The following LIMCH1 variants were observed in gnomAD, a reference collection of about 807,000 sequenced individuals.
LIMCH1 encodes LIM and calponin homology domains 1.
LIMCH1 carries 113 observed loss-of-function variants against 176.5 expected under a neutral mutation model. That is an observed-to-expected ratio of 0.64 (90% CI 0.55 to 0.75). The LOEUF (loss-of-function observed/expected upper bound fraction) is 0.75. LIMCH1 is among the 30% of genes least tolerant of loss of function. LIMCH1 has a pLI of 0.00. For synonymous variants in LIMCH1, 619 were observed against 645.9 expected, an observed-to-expected ratio of 0.96 and a Z score of 0.63; for missense variants, 1,674 against 1,814.9, an observed-to-expected ratio of 0.92 and a Z score of 1.41.
chr4:41,599,949 T>C (rs1456279068), intron 2 of LIMCH1, among the ~76,000 whole-genome samples: 1 of 152,198 alleles, frequency 6.6e-6, no homozygotes, highest in African/African-American at 2.4e-5. Flanking sequence ...TTTGATTTTA[T>C]ACTATTTGCT....
intron 1 of LIMCH1, among the ~76,000 whole-genome samples, chr4:41,394,258 C>A (rs1027913297): frequency 5.3e-5 from 8 of 152,102 alleles, no homozygotes; most frequent in Admixed American, 3.9e-4. Context: ...GGAACGAACA[C>A]TTTCCATAGG....
At chr4:41,678,943 G>A (rs1371296) in intron 23 of LIMCH1, among the ~76,000 whole-genome samples, 84,561 of 151,950 alleles carry the variant, frequency 0.56, 24,658 homozygotes, top group African/African-American at 0.7. Flanking sequence ...CTTGGTTTTC[G>A]TAACAATTTT....
intron 1 of LIMCH1, among the ~76,000 whole-genome samples, chr4:41,373,942 C>G (rs1171504663): frequency 1.3e-5 from 2 of 152,314 alleles, no homozygotes; most frequent in African/African-American, 4.8e-5. Flanking sequence ...CCCCTGCTCT[C>G]TCTTCCTCCT....
intron 1 of LIMCH1, among the ~76,000 whole-genome samples, chr4:41,480,910 C>T (rs2068491792): frequency 6.6e-6 from 1 of 152,308 alleles, no homozygotes; most frequent in Non-Finnish European, 1.5e-5. Flanking sequence ...GCTAAAGCCA[C>T]TCGCATGTCT....
chr4:41,369,836 C>T (rs530652669), intron 1 of LIMCH1, among the ~76,000 whole-genome samples: 2 of 151,974 alleles, frequency 1.3e-5, no homozygotes, highest in African/African-American at 2.4e-5. Context: ...ACTGCCTGAG[C>T]GCTTTCTCAG....
At chr4:41,682,308 A>G (rs760358782) in intron 25 of LIMCH1, 25 bp from the exon 26 acceptor site, 1 of 1,587,212 alleles carries the variant, frequency 6.3e-7, no homozygotes, top group East Asian at 2.2e-5. Context: ...TTTATACTTA[A>G]GATTTTCATT....
chr4:41,507,178 C>T (rs901410969), intron 2 of LIMCH1, among the ~76,000 whole-genome samples: 3 of 152,200 alleles, frequency 2.0e-5, no homozygotes, highest in African/African-American at 7.2e-5. Context: ...ATAGGGTTTT[C>T]ATCCCTTTCT....
At position 41,587,911 on chromosome 4, in the gene LIMCH1, A is replaced by C. The variant is rs563785475; in HGVS notation, c.-240-11009A>C. 3.9e-5 allele frequency among the ~76,000 whole-genome samples: 6 copies of C among 152,292 alleles called. No homozygotes were observed. The South Asian group carries it at 1.0e-3, about 26-fold the overall frequency. The stretch of plus-strand genomic sequence containing the variant: ...TTACTTCAAAATACCGTAACATATC[A>C]AACTTTATATTCTTTTTTTTATTTT... On this transcript the variant is annotated intron_variant, in intron 1 of 31. Coordinates refer to ENST00000503057, the MANE Select transcript of LIMCH1 (RefSeq NM_001330672.2).
At chr4:41,612,870 T>TTA in intron 4 of LIMCH1, 3 of 1,284,498 alleles carry the variant, frequency 2.3e-6, no homozygotes, top group Non-Finnish European at 3.1e-6. Flanking sequence ...TTTTTTTTTT[T>TTA]AACTTTTGCC....
chr4:41,634,994 C>T (rs1358758305), intron 13 of LIMCH1, among the ~76,000 whole-genome samples: 1 of 152,200 alleles, frequency 6.6e-6, no homozygotes, highest in Non-Finnish European at 1.5e-5. Flanking sequence ...GGCCTAGAGA[C>T]TGCCTACTGG....
intron 2 of LIMCH1, among the ~76,000 whole-genome samples, chr4:41,512,942 TG>T (rs544313067): frequency 1.5e-3 from 223 of 152,288 alleles, no homozygotes; most frequent in Admixed American, 2.5e-3. Context: ...ACACACACAA[TG>T]GGATTTAAAT....
At chr4:41,614,311 A>G (rs1218148267) in intron 5 of LIMCH1, among the ~76,000 whole-genome samples, 1 of 152,208 alleles carries the variant, frequency 6.6e-6, no homozygotes, top group Non-Finnish European at 1.5e-5. Context: ...TTTCGTTACA[A>G]AAATGTGTAA....
intron 1 of LIMCH1, among the ~76,000 whole-genome samples, chr4:41,445,781 T>A (rs868840806): frequency 7.2e-5 from 11 of 152,224 alleles, no homozygotes; most frequent in Non-Finnish European, 1.3e-4. Context: ...GGGTAGCTAC[T>A]GACCTTTCTA....
intron 1 of LIMCH1, among the ~76,000 whole-genome samples, chr4:41,546,856 C>G (rs1471755240): frequency 1.3e-5 from 2 of 151,816 alleles, no homozygotes; most frequent in Non-Finnish European, 2.9e-5. Context: ...GAGAGAGAGA[C>G]AAGCGAGAGA....
At chr4:41,442,563 A>G (rs2062817728) in intron 1 of LIMCH1, among the ~76,000 whole-genome samples, 1 of 152,250 alleles carries the variant, frequency 6.6e-6, no homozygotes, top group Admixed American at 6.5e-5. Context: ...ATGATAGTTG[A>G]GAACTCATCT....
chr4:41,555,404 T>C (rs1227095866), intron 1 of LIMCH1, among the ~76,000 whole-genome samples: 2 of 152,174 alleles, frequency 1.3e-5, no homozygotes, highest in Admixed American at 1.3e-4. Context: ...CCGCCTTCCA[T>C]TGGTTCTAAG....
chr4:41,634,174 G>A (rs2093464455), intron 13 of LIMCH1, among the ~76,000 whole-genome samples: 1 of 152,168 alleles, frequency 6.6e-6, no homozygotes, highest in South Asian at 2.1e-4. Context: ...TATAAAAGTT[G>A]TAATTATATT....
intron 21 of LIMCH1, among the ~76,000 whole-genome samples, chr4:41,669,677 G>C (rs1422934462): frequency 1.3e-5 from 2 of 152,182 alleles, no homozygotes; most frequent in African/African-American, 4.8e-5. Flanking sequence ...ATAATTGCTT[G>C]ACATTTATAA....
rs1421779058 is a variant in LIMCH1 at position 41,633,542 on chromosome 4, C to T, written c.1830-6C>T. 2 of 1,535,576 alleles carry T rather than the reference C, an allele frequency of 1.3e-6. No individual in the cohort carries two copies. Among genetic ancestry groups the T allele is most frequent in the Admixed American group, 3.9e-5 (2 of 50,980 alleles). On this transcript the variant is annotated splice_polypyrimidine_tract_variant and splice_region_variant and intron_variant, in intron 12 of 31. Coordinates refer to ENST00000503057, the MANE Select transcript of LIMCH1 (RefSeq NM_001330672.2). ...CTTTGACTGGCTGGACTGAATGTTG[C>T]CCTAGGGTGTGTCCTCTGGCCTCTG... is the stretch of plus-strand genomic sequence containing the variant.
Sources: gnomAD v4.1 joint callset for allele counts (sites outside exome capture counted in the v4.1 genomes callset) on GRCh38, gnomAD v4.1.1 for gene constraint, MANE v1.5 for transcripts, NCBI Gene and HGNC (gene_info 2026-07-23, HGNC 2026-07-21) for gene names.